The following USP32 variants were observed in gnomAD, a reference collection of about 807,000 sequenced individuals.
The protein encoded by USP32 is ubiquitin carboxyl-terminal hydrolase 32.
USP32 carries 59 observed loss-of-function variants against 204.8 expected under a neutral mutation model. The observed-to-expected ratio is 0.29, with a 90% confidence interval of 0.23 to 0.36. USP32 has a LOEUF of 0.36. Ranked by LOEUF, USP32 falls within the 10% of genes least tolerant of loss-of-function variation. The pLI is 1.00. For synonymous variants in USP32, 517 were observed against 678.4 expected, an observed-to-expected ratio of 0.76 and a Z score of 3.70; for missense variants, 1,160 against 1,946.4, an observed-to-expected ratio of 0.60 and a Z score of 7.60.
upstream of USP32, among the ~76,000 whole-genome samples, chr17:60,396,032 G>C (rs368192900): frequency 7.0e-6 from 1 of 142,546 alleles, no homozygotes; most frequent in Non-Finnish European, 1.5e-5. Context: ...ATGTGGTCAC[G>C]TGTATTGTAT....
In USP32 at chr17:60,230,619, G is replaced by C. The variant is rs548669701; in HGVS notation, c.1240-4388C>G. ...TCCAATGCTCCAAACAAACTAGACT[G>C]GTCTGTCTTCTCATTGTCTTCGGCT... is the stretch of plus-strand genomic sequence containing the variant. On this transcript the variant is annotated intron_variant, in intron 12 of 33. Coordinates refer to ENST00000300896, the MANE Select transcript of USP32 (RefSeq NM_032582.4). 2.7e-4 allele frequency among the ~76,000 whole-genome samples: 41 copies of C among 152,202 alleles called. No homozygotes were observed. In the South Asian group the frequency reaches 3.7e-3, roughly 14 times the overall value.
In USP32 at chr17:60,322,449, A is replaced by G. The variant is rs1234070646; in HGVS notation, c.187-20745T>C. Among the ~76,000 whole-genome samples the G allele has an allele frequency of 2.0e-5, 3 of 152,228 alleles. No individual in the cohort carries two copies. The East Asian group carries it at 5.8e-4, about 29-fold the overall frequency. ...TTTCATTTTGGCTCTCTGTATTAGT[A>G]AATCTTCACAAAAATTTATTTATAC... On this transcript the variant is annotated intron_variant, in intron 2 of 33. Coordinates refer to ENST00000300896, the MANE Select transcript of USP32 (RefSeq NM_032582.4).
chr17:60,265,427 T>G lies in USP32; in HGVS notation c.975A>C (p.Ala325=). 1 of 1,606,306 alleles carries G rather than the reference T, an allele frequency of 6.2e-7. No homozygotes were observed. Among genetic ancestry groups the G allele is most frequent in the Non-Finnish European group, 8.5e-7 (1 of 1,174,008 alleles). Residue 325 remains alanine, a synonymous_variant, in exon 9 of 34, where the codon GCA becomes GCC. Coordinates refer to ENST00000300896, the MANE Select transcript of USP32 (RefSeq NM_032582.4). Reference sequence around the variant, plus strand: ...CTAGACTCACCTTTGTGGTGTCATGTGCATTCAGTATGCCTTCTACAATAT... The same window carrying G: ...CTAGACTCACCTTTGTGGTGTCATGGGCATTCAGTATGCCTTCTACAATAT... ...LSDIVEGILN[A]HDTTKMGHLT...
intron 9 of USP32, among the ~76,000 whole-genome samples, chr17:60,262,676 C>G (rs976905537): frequency 3.3e-5 from 5 of 152,090 alleles, no homozygotes. Context: ...AGGTCTACAG[C>G]CTTCAATATA....
At chr17:60,415,522 G>C (rs912438445) in intron 1 of USP32, among the ~76,000 whole-genome samples, 5 of 152,148 alleles carry the variant, frequency 3.3e-5, no homozygotes, top group Non-Finnish European at 7.3e-5. Context: ...TATCTTTGGG[G>C]CTAGACCTCT....
At chr17:60,407,523 C>G (rs1193179448) in intron 1 of USP32, among the ~76,000 whole-genome samples, 4 of 152,000 alleles carry the variant, frequency 2.6e-5, no homozygotes. Context: ...AAACTAGCCT[C>G]AAAAACATCA....
chr17:60,400,368 C>T (rs1045372918), intron 1 of USP32, among the ~76,000 whole-genome samples: 4 of 152,046 alleles, frequency 2.6e-5, no homozygotes, highest in Non-Finnish European at 5.9e-5. Flanking sequence ...AATTAGGGGG[C>T]GACTGCATTA....
intron 1 of USP32, among the ~76,000 whole-genome samples, chr17:60,367,050 A>G (rs1159364500): frequency 2.0e-5 from 3 of 152,038 alleles, no homozygotes; most frequent in Non-Finnish European, 4.4e-5. Context: ...GATGGTCTCA[A>G]TCTCCTGACC....
intron 1 of USP32, among the ~76,000 whole-genome samples, chr17:60,352,440 T>G (rs2088971019): frequency 6.6e-6 from 1 of 152,186 alleles, no homozygotes; most frequent in Non-Finnish European, 1.5e-5. Flanking sequence ...ATATGACCCT[T>G]GGATATCCTA....
chr17:60,227,386 C>T (rs2085423330), intron 12 of USP32, among the ~76,000 whole-genome samples: 1 of 151,230 alleles, frequency 6.6e-6, no homozygotes, highest in Non-Finnish European at 1.5e-5. Flanking sequence ...TCTCCTGCCT[C>T]AGCCTCCCGA....
chr17:60,396,075 T>TC (rs2146154765), upstream of USP32, among the ~76,000 whole-genome samples: 1 of 140,614 alleles, frequency 7.1e-6, no homozygotes, highest in East Asian at 2.0e-4. Flanking sequence ...GAAGCTTTTT[T>TC]TTTTTTTTTT....
At chr17:60,282,230 A>G (rs1416733933) in intron 5 of USP32, among the ~76,000 whole-genome samples, 1 of 152,216 alleles carries the variant, frequency 6.6e-6, no homozygotes, top group Non-Finnish European at 1.5e-5. Context: ...ATGCTAATCA[A>G]TGTTCTATAT....
chr17:60,337,719 A>T (rs1292718846), intron 2 of USP32, among the ~76,000 whole-genome samples: 1 of 152,152 alleles, frequency 6.6e-6, no homozygotes, highest in African/African-American at 2.4e-5. Context: ...TCCACAAAAA[A>T]TAAATAAACT....
intron 21 of USP32, among the ~76,000 whole-genome samples, chr17:60,210,130 A>G (rs2084922977): frequency 1.3e-5 from 2 of 152,170 alleles, no homozygotes; most frequent in South Asian, 4.1e-4. Context: ...TAATTAGAAT[A>G]GTGCCTGGCA....
rs555877680 is a variant in USP32, at chr17:60,392,062, C to A, written c.-123G>T. 6.8e-6 allele frequency: 8 copies of A among 1,173,254 alleles called. No homozygotes were observed. In the Admixed American group the frequency reaches 7.1e-5, roughly 10 times the overall value. 72.7% of individuals were successfully genotyped at this position (1,173,254 alleles called of 1,614,324 possible). A position where few individuals can be genotyped will look rare whatever the true frequency, so the allele number is the denominator to read the frequency against. On this transcript the variant is annotated 5_prime_UTR_variant, in exon 1 of 34. Coordinates refer to ENST00000300896, the MANE Select transcript of USP32 (RefSeq NM_032582.4). ...GGCGTCCCCCGCCCCCACCTCCCCCCACACTAACAAGTGCGGCTTCTGCCC... is the reference window on the plus strand; with the variant it reads ...GGCGTCCCCCGCCCCCACCTCCCCCAACACTAACAAGTGCGGCTTCTGCCC...
intron 5 of USP32, among the ~76,000 whole-genome samples, chr17:60,286,761 C>A (rs971242180): frequency 1.3e-5 from 2 of 152,200 alleles, no homozygotes; most frequent in Non-Finnish European, 2.9e-5. Context: ...GAAGCACAGA[C>A]CCCCTCCCTC....
At chr17:60,306,544 A>G (rs1293042861) in intron 2 of USP32, among the ~76,000 whole-genome samples, 1 of 152,136 alleles carries the variant, frequency 6.6e-6, no homozygotes, top group East Asian at 1.9e-4. Flanking sequence ...AGGCTGAGGC[A>G]GGAGAATCAC....
At chr17:60,240,325 T>C (rs1301078086) in intron 11 of USP32, among the ~76,000 whole-genome samples, 4 of 152,202 alleles carry the variant, frequency 2.6e-5, no homozygotes, top group African/African-American at 9.7e-5. Flanking sequence ...TTCTAAAATA[T>C]TTTTATAAAG....
chr17:60,262,626 A>G (rs888176731), intron 9 of USP32, among the ~76,000 whole-genome samples: 2 of 152,070 alleles, frequency 1.3e-5, no homozygotes, highest in African/African-American at 4.8e-5. Flanking sequence ...TCAACTCCTG[A>G]GTTTTGTACC....
Sources: allele counts gnomAD v4.1 joint callset (sites outside exome capture counted in the v4.1 genomes callset), GRCh38; gene constraint gnomAD v4.1.1; transcripts MANE v1.5; gene names NCBI Gene and HGNC (gene_info 2026-07-23, HGNC 2026-07-21).